The following RNF157 variants were observed in gnomAD, a reference collection of about 807,000 sequenced individuals.
The protein encoded by RNF157 is E3 ubiquitin ligase RNF157.
In RNF157, 55 loss-of-function variants were observed where a neutral mutation model predicts 88.3. That is an observed-to-expected ratio of 0.62 (90% CI 0.50 to 0.78). The LOEUF is 0.78. Among genes scored for constraint, RNF157 ranks in the 30% least tolerant of loss-of-function variants. The pLI is 0.00. For missense variants in RNF157, 788 were observed against 860.8 expected, an observed-to-expected ratio of 0.92 and a Z score of 1.06; for synonymous variants, 334 against 341.2, an observed-to-expected ratio of 0.98 and a Z score of 0.23.
chr17:76,157,871 G>A lies in RNF157; in HGVS notation c.1413+522C>T, dbSNP rs915419796. ...GCCTTCTCTTCCATTCTTCCACATG[G>A]GCCTCCCGACACCCCCCACTTACCC... On this transcript the variant is annotated intron_variant, in intron 13 of 18. Coordinates refer to ENST00000269391, the MANE Select transcript of RNF157 (RefSeq NM_052916.3). This position sits in a 1 kb window ranked among gnomAD's most constrained non-coding sequence, Gnocchi z 5.6. 6.6e-6 allele frequency among the ~76,000 whole-genome samples: 1 copy of A among 151,846 alleles called. No individual in the cohort carries two copies. Among genetic ancestry groups the A allele is most frequent in the African/African-American group, 2.4e-5 (1 of 41,290 alleles).
intron 1 of RNF157, among the ~76,000 whole-genome samples, chr17:76,224,959 G>A (rs532324712): frequency 1.3e-5 from 2 of 151,140 alleles, no homozygotes; most frequent in Non-Finnish European, 3.0e-5. Flanking sequence ...ATCACTTGAG[G>A]TCAGGAGTTC....
At chr17:76,162,470 C>T (rs1042565140) in intron 9 of RNF157, 82 bp downstream of exon 9, 20 of 982,430 alleles carry the variant, frequency 2.0e-5, no homozygotes, top group South Asian at 9.6e-5. Flanking sequence ...GAGTTTGGCA[C>T]GCTAAATTTC....
At chr17:76,148,657 G>A (rs1257472218) in intron 18 of RNF157, among the ~76,000 whole-genome samples, 2 of 150,218 alleles carry the variant, frequency 1.3e-5, no homozygotes, top group Non-Finnish European at 3.0e-5. Flanking sequence ...TGCAACCTCC[G>A]GTTCCCAGGC....
intron 18 of RNF157, among the ~76,000 whole-genome samples, chr17:76,147,869 C>T (rs922003829): frequency 6.6e-5 from 10 of 152,170 alleles, no homozygotes; most frequent in East Asian, 1.9e-4. Context: ...AGGTGCTTTC[C>T]GTTCATGTCT....
chr17:76,178,713 A>C (rs1185435189), intron 2 of RNF157, among the ~76,000 whole-genome samples: 1 of 152,232 alleles, frequency 6.6e-6, no homozygotes, highest in Admixed American at 6.5e-5. Context: ...GAATCCTGTG[A>C]AATAGTCATG....
intron 2 of RNF157, among the ~76,000 whole-genome samples, chr17:76,194,616 C>T (rs1239196003): frequency 1.3e-5 from 2 of 152,162 alleles, no homozygotes; most frequent in Non-Finnish European, 2.9e-5. Flanking sequence ...ATATACAGTA[C>T]CAGACACGAT....
intron 2 of RNF157, among the ~76,000 whole-genome samples, chr17:76,198,804 G>A (rs1375986952): frequency 1.3e-5 from 2 of 152,176 alleles, no homozygotes; most frequent in East Asian, 3.8e-4. Flanking sequence ...CTCACAGGGA[G>A]GCATACCAGG....
Position 76,159,411 on chromosome 17 carries a change from C to CG in RNF157, c.1227dup (p.Val410ArgfsTer8), listed in dbSNP as rs779247134. ...CGGTCAAGAGGCGAGATCGTCCTGA[C>CG]GGGGGGCAGGTGGCCATCACTGCCA... On this transcript the variant is annotated frameshift_variant, in exon 12 of 19. Coordinates refer to ENST00000269391, the MANE Select transcript of RNF157 (RefSeq NM_052916.3). LOFTEE classifies it high-confidence loss of function. The CG allele has an allele frequency of 5.0e-6, 8 of 1,613,066 alleles. No individual in the cohort carries two copies. The highest frequency in any genetic ancestry group is 6.8e-6 in the Non-Finnish European group (8 of 1,179,692).
intron 13 of RNF157, 116 bp from the exon 14 acceptor site, chr17:76,156,437 G>A (rs1237702230): frequency 5.3e-6 from 8 of 1,510,012 alleles, no homozygotes; most frequent in Non-Finnish European, 7.1e-6. Context: ...GACACTGGGA[G>A]GGACTGAGTG....
At chr17:76,231,357 A>C (rs1264544876) in intron 1 of RNF157, among the ~76,000 whole-genome samples, 1 of 152,160 alleles carries the variant, frequency 6.6e-6, no homozygotes, top group East Asian at 1.9e-4. Context: ...AGAGTTCTTA[A>C]TATTGATACA....
chr17:76,235,893 C>T (rs555457678), intron 1 of RNF157, among the ~76,000 whole-genome samples: 9 of 152,136 alleles, frequency 5.9e-5, no homozygotes, highest in Non-Finnish European at 7.4e-5. Flanking sequence ...CCTGTAATCC[C>T]AGCTACTGAG....
intron 2 of RNF157, among the ~76,000 whole-genome samples, chr17:76,200,185 T>A (rs2069549662): frequency 6.6e-6 from 1 of 150,840 alleles, no homozygotes; most frequent in African/African-American, 2.4e-5. Context: ...GAGCTTGCAG[T>A]GAGCCAAGAT....
In RNF157 at chr17:76,188,433, T is replaced by A. The variant is rs1360044986; in HGVS notation, c.208-14643A>T. On this transcript the variant is annotated intron_variant, in intron 2 of 18. Transcript: ENST00000269391. ...GATTTTCTGCATTTCATTAAGACCC[T>A]GGGCTTCTGATCATCTTTCAGGGCT... 2.0e-5 allele frequency among the ~76,000 whole-genome samples: 3 copies of A among 152,334 alleles called. No individual in the cohort carries two copies. In the East Asian group the frequency reaches 5.8e-4, roughly 29 times the overall value.
At chr17:76,208,835 G>A (rs775415451) in intron 2 of RNF157, among the ~76,000 whole-genome samples, 2 of 152,102 alleles carry the variant, frequency 1.3e-5, no homozygotes, top group Non-Finnish European at 2.9e-5. Flanking sequence ...TTAGCCAGGT[G>A]TGGTGGCAGG....
intron 7 of RNF157, 127 bp from the exon 8 acceptor site, chr17:76,164,922 T>A (rs1257321524): frequency 1.6e-6 from 1 of 615,802 alleles, no homozygotes; most frequent in East Asian, 2.9e-5. Context: ...TGGTTTCAAT[T>A]ACCCGCCATC....
intron 1 of RNF157, among the ~76,000 whole-genome samples, chr17:76,230,644 CCTGA>C (rs1379739654): frequency 2.0e-5 from 3 of 151,808 alleles, no homozygotes; most frequent in African/African-American, 2.4e-5. Flanking sequence ...TTGAGACCAG[CCTGA>C]CCAACATGGT....
intron 2 of RNF157, among the ~76,000 whole-genome samples, chr17:76,183,648 TA>T (rs1458582203): frequency 6.6e-6 from 1 of 152,074 alleles, no homozygotes. Context: ...TCTTCCACAT[TA>T]AAAAACATTT....
chr17:76,229,581 CT>C (rs1448404879), intron 1 of RNF157, among the ~76,000 whole-genome samples: 1 of 152,202 alleles, frequency 6.6e-6, no homozygotes, highest in East Asian at 1.9e-4. Flanking sequence ...CCTGCCATAT[CT>C]TTTCATCCAG....
At chr17:76,188,230 G>A (rs190368993) in intron 2 of RNF157, among the ~76,000 whole-genome samples, 14 of 152,222 alleles carry the variant, frequency 9.2e-5, no homozygotes, top group Admixed American at 7.8e-4. Flanking sequence ...GGTGACTTAC[G>A]TTCTCTTGTA....
Sources: gnomAD v4.1 joint callset for allele counts (sites outside exome capture counted in the v4.1 genomes callset) on GRCh38, gnomAD v4.1.1 for gene constraint, Gnocchi (gnomAD v3.1) non-coding constraint, MANE v1.5 for transcripts, NCBI Gene and HGNC (gene_info 2026-07-23, HGNC 2026-07-21) for gene names.